SAFB2: variants seen among roughly 807,000 people sequenced by gnomAD.
SAFB2 encodes scaffold attachment factor B2.
Under a neutral mutation model 100.6 loss-of-function variants are expected in SAFB2, and 32 were observed. The ratio of observed to expected loss-of-function variants is 0.32; its 90% CI spans 0.24 to 0.43. SAFB2 has a LOEUF of 0.43. SAFB2 is among the 20% of genes least tolerant of loss of function. The pLI, the probability that SAFB2 is intolerant of heterozygous loss-of-function variation, is 1.00. For synonymous variants in SAFB2, 500 were observed against 439.4 expected, an observed-to-expected ratio of 1.14 and a Z score of -1.72; for missense variants, 1,185 against 1,163.4, an observed-to-expected ratio of 1.02 and a Z score of -0.27.
Position 5,610,619 on chromosome 19 carries a change from C to T in SAFB2, c.1195+20G>A, listed in dbSNP as rs745468842. 1.3e-6 allele frequency: 2 copies of T among 1,545,490 alleles called. No homozygotes were observed. Among genetic ancestry groups the T allele is most frequent in the African/African-American group, 1.4e-5 (1 of 73,078 alleles). On this transcript the variant is annotated intron_variant, in intron 8 of 20. Transcript: ENST00000252542. ...AAGGGAACCATACCTGGCTCCCTAC[C>T]ACGTTAAATTAAATCATACCTTTTT...
chr19:5,610,095 C>T lies in SAFB2; in HGVS notation c.1196G>A (p.Gly399Asp), dbSNP rs2052875541. 1 of 1,613,776 alleles carries T rather than the reference C, an allele frequency of 6.2e-7. No individual in the cohort carries two copies. Among genetic ancestry groups the T allele is most frequent in the Non-Finnish European group, 8.5e-7 (1 of 1,179,852 alleles). The change falls in exon 9 of 21, where the codon GGT becomes GAT. Residue 399 changes from glycine to aspartate, a missense_variant and splice_region_variant. Coordinates refer to ENST00000252542, the MANE Select transcript of SAFB2 (RefSeq NM_014649.3). The stretch of plus-strand genomic sequence containing the variant: ...CCGACCAGAACCGCTGCCGACCCGA[C>T]CTGGCACGAGAGGGAGATTCTTAGG... ...DIKPIIKDEKGRVGSGSGRNL... is the reference protein window; with the variant it reads ...DIKPIIKDEKDRVGSGSGRNL...
At position 5,587,220 on chromosome 19, in the gene SAFB2, C is replaced by T. The variant is rs375124539; in HGVS notation, c.*23G>A. 5.0e-6 allele frequency: 8 copies of T among 1,607,210 alleles called. No individual in the cohort carries two copies. The African/African-American group carries it at 9.4e-5, about 19-fold the overall frequency. ...AGATTCAACAGTGCGTCTGCCCACC[C>T]GAAAACTCGCAGCGAGTGGGACTTA... On this transcript the variant is annotated 3_prime_UTR_variant, in exon 21 of 21. Coordinates refer to ENST00000252542, the MANE Select transcript of SAFB2 (RefSeq NM_014649.3). The surrounding 1 kb of genome is among the most constrained non-coding windows in gnomAD (Gnocchi z 4.9).
chr19:5,616,920 G>A (rs2053046642), intron 2 of SAFB2, among the ~76,000 whole-genome samples: 1 of 152,086 alleles, frequency 6.6e-6, no homozygotes, highest in African/African-American at 2.4e-5. Context: ...AAAGTGCTGG[G>A]ATTACAGGCA....
At chr19:5,601,601 A>C (rs1160433291) in intron 11 of SAFB2, among the ~76,000 whole-genome samples, 1 of 151,970 alleles carries the variant, frequency 6.6e-6, no homozygotes, top group Non-Finnish European at 1.5e-5. Flanking sequence ...AATCCCAGCC[A>C]CTCGGGAGGC....
intron 4 of SAFB2, 165 bp downstream of exon 4, chr19:5,615,967 C>T (rs1009397476): frequency 1.6e-6 from 1 of 628,714 alleles, no homozygotes; most frequent in Non-Finnish European, 2.8e-6. Flanking sequence ...TGAGTAAATC[C>T]CTGAGCTACA....
Position 5,587,220 on chromosome 19 carries a change from C to G in SAFB2, c.*23G>C, listed in dbSNP as rs375124539. The G allele has an allele frequency of 6.2e-7, 1 of 1,607,210 alleles. No individual in the cohort carries two copies. Among genetic ancestry groups the G allele is most frequent in the African/African-American group, 1.3e-5 (1 of 74,778 alleles). ...AGATTCAACAGTGCGTCTGCCCACC[C>G]GAAAACTCGCAGCGAGTGGGACTTA... is the stretch of plus-strand genomic sequence containing the variant. On this transcript the variant is annotated 3_prime_UTR_variant, in exon 21 of 21. Coordinates refer to ENST00000252542, the MANE Select transcript of SAFB2 (RefSeq NM_014649.3). This position sits in a 1 kb window ranked among gnomAD's most constrained non-coding sequence, Gnocchi z 4.9.
intron 4 of SAFB2, among the ~76,000 whole-genome samples, chr19:5,615,394 T>C (rs1333041339): frequency 6.6e-6 from 1 of 151,228 alleles, no homozygotes; most frequent in Non-Finnish European, 1.5e-5. Flanking sequence ...TTAGGAGGAA[T>C]ATCTACATGA....
rs1346604909 is a variant in SAFB2, at chr19:5,616,402, T to C, written c.339+20A>G. 6.2e-7 allele frequency: 1 copy of C among 1,613,968 alleles called. No individual in the cohort carries two copies. Among genetic ancestry groups the C allele is most frequent in the Admixed American group, 1.7e-5 (1 of 59,998 alleles). On this transcript the variant is annotated intron_variant, in intron 3 of 20. Transcript: ENST00000252542. ...GGACAGGGAGCTGCTGCTTGTCATC[T>C]CTACCCTGACATCACTTACCTGCCC...
chr19:5,597,378 A>G (rs2052554970), intron 13 of SAFB2, among the ~76,000 whole-genome samples: 3 of 152,242 alleles, frequency 2.0e-5, no homozygotes, highest in African/African-American at 7.2e-5. Context: ...AAAGTGAGAC[A>G]CTCCCACCCT....
intron 18 of SAFB2, among the ~76,000 whole-genome samples, chr19:5,590,013 C>G (rs916740847): frequency 6.6e-6 from 1 of 152,184 alleles, no homozygotes; most frequent in Non-Finnish European, 1.5e-5. Flanking sequence ...TCGAGACATT[C>G]ACAACTGCAG....
intron 18 of SAFB2, chr19:5,588,869 T>C (rs2052324908): frequency 1.3e-5 from 2 of 152,262 alleles, no homozygotes; most frequent in African/African-American, 2.4e-5. Flanking sequence ...GTGTGAACTA[T>C]ACTTAAAGAA....
chr19:5,598,889 A>G lies in SAFB2; in HGVS notation c.1691-5T>C, dbSNP rs1383302581. ...TCCGCTCCATTCCTCTGCTTCCTTCAGGAAAAAACACAACAAACTATCAAA... is the reference window on the plus strand; with the variant it reads ...TCCGCTCCATTCCTCTGCTTCCTTCGGGAAAAAACACAACAAACTATCAAA... On this transcript the variant is annotated splice_polypyrimidine_tract_variant and splice_region_variant and intron_variant, in intron 12 of 20. Coordinates refer to ENST00000252542, the MANE Select transcript of SAFB2 (RefSeq NM_014649.3). 4.3e-6 allele frequency: 7 copies of G among 1,613,884 alleles called. No individual in the cohort carries two copies. In the East Asian group the frequency reaches 6.7e-5, roughly 15 times the overall value.
chr19:5,595,700 C>T (rs1476083322), intron 13 of SAFB2, among the ~76,000 whole-genome samples: 1 of 152,216 alleles, frequency 6.6e-6, no homozygotes, highest in Non-Finnish European at 1.5e-5. Flanking sequence ...ATCCTGCTTT[C>T]AGATGTCAAG....
At chr19:5,615,764 ACTGTGGC>A (rs201359207) in intron 4 of SAFB2, among the ~76,000 whole-genome samples, 1,872 of 152,354 alleles carry the variant, frequency 0.012, 34 homozygotes, top group African/African-American at 0.043. Flanking sequence ...CTAAATGGGC[ACTGTGGC>A]CTGTGCCAAT....
chr19:5,618,612 A>G (rs984357088), intron 2 of SAFB2, among the ~76,000 whole-genome samples: 2 of 152,250 alleles, frequency 1.3e-5, no homozygotes, highest in Non-Finnish European at 1.5e-5. Flanking sequence ...ACTTCGCATT[A>G]TATCTAAACA....
intron 17 of SAFB2, among the ~76,000 whole-genome samples, chr19:5,590,778 C>T (rs539356011): frequency 3.3e-5 from 5 of 152,358 alleles, no homozygotes; most frequent in Admixed American, 3.3e-4. Context: ...GGTCAGCCCC[C>T]CTGTGCTCTG....
chr19:5,620,542 T>C (rs1189185671), intron 2 of SAFB2, among the ~76,000 whole-genome samples: 1 of 152,378 alleles, frequency 6.6e-6, no homozygotes, highest in Non-Finnish European at 1.5e-5. Flanking sequence ...AGATGAACTT[T>C]AAGCATTATG....
rs776368752 is a variant in SAFB2 at position 5,593,881 on chromosome 19, C to T, written c.2207+10G>A. On this transcript the variant is annotated intron_variant, in intron 15 of 20. Coordinates refer to ENST00000252542, the MANE Select transcript of SAFB2 (RefSeq NM_014649.3). ...GTCTCCGTCCTGCCCACGCTCTGGGCGGGACTCACCGGTCCAGGTCGTAGG... is the reference window on the plus strand; with the variant it reads ...GTCTCCGTCCTGCCCACGCTCTGGGTGGGACTCACCGGTCCAGGTCGTAGG... 3.0e-5 allele frequency: 45 copies of T among 1,478,736 alleles called. No homozygotes were observed. The highest frequency in any genetic ancestry group is 2.0e-4 in the Middle Eastern group (1 of 4,904). The allele number at this position is 1,478,736 out of a possible 1,614,324, so 91.6% of individuals were successfully genotyped here. A position where few individuals can be genotyped will look rare whatever the true frequency, so the allele number is the denominator to read the frequency against.
Position 5,611,597 on chromosome 19 carries a change from G to A in SAFB2, c.668C>T (p.Thr223Ile). ...NEKILDILGE[T>I]CKSEPVKEES... ...TTCTTTTACTGGCTCAGATTTACAAGTTTCCCCCAAAATGTCGAGTATTTT... is the reference window on the plus strand; with the variant it reads ...TTCTTTTACTGGCTCAGATTTACAAATTTCCCCCAAAATGTCGAGTATTTT... The change falls in exon 7 of 21, where the codon ACT becomes ATT. Residue 223 changes from threonine (T) to isoleucine (I), a missense_variant. Around this residue, in one of 3 missense-constraint regions of SAFB2, gnomAD observed 351 missense variants for 341.2 expected, o/e 1.03. Transcript: ENST00000252542. 1 of 492,202 alleles carries A rather than the reference G, an allele frequency of 2.0e-6. No homozygotes were observed. The highest frequency in any genetic ancestry group is 3.6e-6 in the Non-Finnish European group (1 of 280,452). The allele number at this position is 492,202 out of a possible 1,614,324, so 30.5% of individuals were successfully genotyped here. A position where few individuals can be genotyped will look rare whatever the true frequency, so the allele number is the denominator to read the frequency against.
Sources: gnomAD v4.1 joint callset for allele counts (sites outside exome capture counted in the v4.1 genomes callset) on GRCh38, gnomAD v4.1.1 for gene constraint, gnomAD v4.1.1 regional missense constraint, Gnocchi (gnomAD v3.1) non-coding constraint, MANE v1.5 for transcripts, NCBI Gene and HGNC (gene_info 2026-07-23, HGNC 2026-07-21) for gene names.